Variants in CAPS2 observed in about 807,000 individuals in gnomAD.
The protein encoded by CAPS2 is calcyphosin-2.
A neutral mutation model predicts 86.5 loss-of-function variants in CAPS2; 98 were observed. The ratio of observed to expected loss-of-function variants is 1.13; its 90% confidence interval spans 0.96 to 1.34. The LOEUF (loss-of-function observed/expected upper bound fraction) is 1.34, where lower values mean the gene tolerates loss of function less well. Among genes scored for constraint, CAPS2 ranks in the 40% most tolerant of loss-of-function variants. CAPS2 has a pLI of 0.00. For missense variants in CAPS2, 729 were observed against 686.8 expected (o/e 1.06, Z -0.69); for synonymous variants, 210 against 225.1 (o/e 0.93, Z 0.60).
At chr12:75,334,742 A>T (rs780391183), upstream of CAPS2, 1 of 1,613,774 alleles carries the variant, frequency 6.2e-7, no homozygotes, top group East Asian at 2.2e-5. Flanking sequence ...GCTCTGAAGA[A>T]TAAATTCAGT....
upstream of CAPS2, among the ~76,000 whole-genome samples, chr12:75,333,076 G>A (rs1359671140): frequency 6.6e-6 from 1 of 152,180 alleles, no homozygotes; most frequent in Non-Finnish European, 1.5e-5. Flanking sequence ...AGATTATGTA[G>A]TGTCTTTTGG....
At chr12:75,388,253 T>C (rs184325825) in intron 1 of CAPS2, among the ~76,000 whole-genome samples, 5 of 152,220 alleles carry the variant, frequency 3.3e-5, no homozygotes, top group African/African-American at 1.2e-4. Context: ...TCTTCCACTA[T>C]GATTGCGAGG....
intron 15 of CAPS2, among the ~76,000 whole-genome samples, chr12:75,282,858 C>A (rs1433090247): frequency 1.3e-5 from 2 of 152,106 alleles, no homozygotes; most frequent in Non-Finnish European, 2.9e-5. Context: ...ATTAGGAAAT[C>A]TGTACTCAAT....
At chr12:75,339,524 T>A (rs1041155178) in intron 1 of CAPS2, among the ~76,000 whole-genome samples, 23 of 152,228 alleles carry the variant, frequency 1.5e-4, no homozygotes, top group African/African-American at 5.5e-4. Flanking sequence ...GCTAAAATTT[T>A]CTACCATTCT....
chr12:75,293,292 G>C, exon 12 of CAPS2: 1 of 1,612,288 alleles, frequency 6.2e-7, no homozygotes, highest in Non-Finnish European at 8.5e-7. Flanking sequence ...GTGATTCGGA[G>C]TTTAAGTAAT....
At chr12:75,281,853 G>T (rs1333895341) in intron 16 of CAPS2, among the ~76,000 whole-genome samples, 1 of 152,014 alleles carries the variant, frequency 6.6e-6, no homozygotes, top group East Asian at 1.9e-4. Flanking sequence ...TCTATGTATA[G>T]CTCCATCCCT....
intron 1 of CAPS2, among the ~76,000 whole-genome samples, chr12:75,341,426 T>C (rs2042097102): frequency 6.6e-6 from 1 of 152,154 alleles, no homozygotes; most frequent in Non-Finnish European, 1.5e-5. Context: ...TAGGATTCTA[T>C]TTATATAACA....
intron 11 of CAPS2, chr12:75,298,282 G>A (rs1055346476): frequency 6.1e-6 from 1 of 165,212 alleles, no homozygotes; most frequent in South Asian, 1.9e-4. Flanking sequence ...TCAAAAAAAT[G>A]ACAGCTCCAG....
upstream of CAPS2, chr12:75,334,515 C>A: frequency 4.4e-6 from 6 of 1,363,320 alleles, no homozygotes; most frequent in South Asian, 7.7e-5. Flanking sequence ...TCAGAGCTTT[C>A]CCCTGTAGCT....
intron 13 of CAPS2, among the ~76,000 whole-genome samples, chr12:75,290,725 G>A (rs951210617): frequency 1.3e-5 from 2 of 152,014 alleles, no homozygotes; most frequent in East Asian, 3.9e-4. Context: ...AGACCAGCCT[G>A]GAGAACATAG....
intron 7 of CAPS2, chr12:75,305,828 C>T: frequency 1.3e-6 from 1 of 744,560 alleles, no homozygotes; most frequent in Non-Finnish European, 2.5e-6. Flanking sequence ...CATATTCAGG[C>T]TCACCAGCCT....
chr12:75,389,033 C>CTA (rs2045437885), intron 1 of CAPS2, among the ~76,000 whole-genome samples: 1 of 152,134 alleles, frequency 6.6e-6, no homozygotes, highest in Admixed American at 6.5e-5. Context: ...CTCTACCACT[C>CTA]CCTGGCTGGG....
chr12:75,383,944 C>A (rs2045142401), intron 1 of CAPS2, among the ~76,000 whole-genome samples: 1 of 151,874 alleles, frequency 6.6e-6, no homozygotes, highest in Non-Finnish European at 1.5e-5. Context: ...GAAAAAATCT[C>A]AAAAGAAATT....
intron 1 of CAPS2, among the ~76,000 whole-genome samples, chr12:75,387,917 T>C (rs2045373696): frequency 6.6e-6 from 1 of 152,212 alleles, no homozygotes; most frequent in African/African-American, 2.4e-5. Flanking sequence ...GCAATCATGC[T>C]CATGGTATTT....
intron 1 of CAPS2, among the ~76,000 whole-genome samples, chr12:75,385,851 T>A (rs1659724106): frequency 6.6e-6 from 1 of 152,126 alleles, no homozygotes; most frequent in Non-Finnish European, 1.5e-5. Context: ...ATAATAGCGT[T>A]TAGCACACAC....
intron 1 of CAPS2, among the ~76,000 whole-genome samples, chr12:75,368,818 T>C (rs900088691): frequency 4.0e-5 from 6 of 151,870 alleles, no homozygotes; most frequent in Admixed American, 3.9e-4. Context: ...GCTATTTTGT[T>C]CTAGTGTGAG....
intron 1 of CAPS2, chr12:75,363,313 A>T (rs2139621114): frequency 2.4e-6 from 1 of 422,426 alleles, no homozygotes; most frequent in East Asian, 3.8e-5. Context: ...TTGTTATCTT[A>T]CGATATAAAT....
At position 75,353,372 on chromosome 12, in the gene CAPS2, T is replaced by C. The variant is rs1593756232; in HGVS notation, c.-394-30150A>G. Among the ~76,000 whole-genome samples the C allele has an allele frequency of 3.3e-5, 5 of 152,274 alleles. 1 individual carries two copies. The highest frequency in any genetic ancestry group is 7.4e-5 in the Non-Finnish European group (5 of 68,002). ...TCAGAGAATACTATAAACACCTCTG[T>C]GCAAATCACTTGGAAAATCTAGAAG... On this transcript the variant is annotated intron_variant, in intron 1 of 5. Coordinates refer to the CAPS2 transcript ENST00000551829.
chr12:75,306,554 T>G (rs1369684473), intron 7 of CAPS2, among the ~76,000 whole-genome samples: 1 of 152,214 alleles, frequency 6.6e-6, no homozygotes, highest in East Asian at 1.9e-4. Context: ...TACGCATGTT[T>G]GTTTATAAGT....
Sources: allele counts gnomAD v4.1 joint callset (sites outside exome capture counted in the v4.1 genomes callset), GRCh38; gene constraint gnomAD v4.1.1; transcripts MANE v1.5; gene names NCBI Gene and HGNC (gene_info 2026-07-23, HGNC 2026-07-21).